The following FYB1 variants were observed in gnomAD, a reference collection of about 807,000 sequenced individuals.
FYB1 encodes the protein FYN-binding protein 1.
In FYB1, 41 loss-of-function variants were observed where a neutral mutation model predicts 94.1. That is an observed-to-expected ratio of 0.44 (90% CI 0.34 to 0.57). FYB1 has a LOEUF of 0.57. Among genes scored for constraint, FYB1 ranks in the 20% least tolerant of loss-of-function variants. FYB1 has a pLI of 0.02. For synonymous variants in FYB1, 367 were observed against 353.2 expected, an observed-to-expected ratio of 1.04 and a Z score of -0.44; for missense variants, 1,050 against 976.8, an observed-to-expected ratio of 1.07 and a Z score of -1.00.
At chr5:39,185,215 T>C (rs1265477816) in intron 2 of FYB1, among the ~76,000 whole-genome samples, 3 of 152,096 alleles carry the variant, frequency 2.0e-5, no homozygotes, top group Non-Finnish European at 4.4e-5. Context: ...TTTAGGATGG[T>C]TGTCTTATTC....
intron 2 of FYB1, among the ~76,000 whole-genome samples, chr5:39,169,048 G>A (rs1377230874): frequency 2.0e-5 from 3 of 152,180 alleles, no homozygotes; most frequent in Non-Finnish European, 4.4e-5. Flanking sequence ...GAAATAGGAA[G>A]ATTTAGGTAG....
chr5:39,255,430 GTT>G (rs113241046), intron 1 of FYB1, among the ~76,000 whole-genome samples: 49 of 142,894 alleles, frequency 3.4e-4, no homozygotes, highest in African/African-American at 1.2e-3. Context: ...CCATTCACCT[GTT>G]TTTTTTTTTT....
chr5:39,107,365 T>A lies in FYB1; in HGVS notation c.*78A>T, dbSNP rs1738625752. The A allele has an allele frequency of 3.1e-6, 3 of 961,776 alleles. No homozygotes were observed. Among genetic ancestry groups the A allele is most frequent in the South Asian group, 4.2e-5 (2 of 48,072 alleles). 59.6% of individuals were successfully genotyped at this position (961,776 alleles called of 1,614,324 possible). A position where few individuals can be genotyped will look rare whatever the true frequency, so the allele number is the denominator to read the frequency against. ...TGGTTTTGTGCATTAATTTTCTTGA[T>A]ACCCAATAACATGCCAATTAAAATC... On this transcript the variant is annotated 3_prime_UTR_variant, in exon 19 of 19. Coordinates refer to ENST00000512982, the MANE Select transcript of FYB1 (RefSeq NM_001465.6).
chr5:39,127,846 T>C lies in FYB1; in HGVS notation c.1841-39A>G, dbSNP rs765738458. The C allele has an allele frequency of 7.0e-6, 11 of 1,563,040 alleles. No homozygotes were observed. In the South Asian group the frequency reaches 1.2e-4, roughly 17 times the overall value. ...GGAGGAAAATCTTCTGTTAATTTTA[T>C]AATTTGGCCATGTAATGCTCACTCA... On this transcript the variant is annotated intron_variant, in intron 10 of 18. Coordinates refer to ENST00000512982, the MANE Select transcript of FYB1 (RefSeq NM_001465.6).
At chr5:39,190,268 A>G (rs1442264283) in intron 2 of FYB1, among the ~76,000 whole-genome samples, 1 of 152,230 alleles carries the variant, frequency 6.6e-6, no homozygotes, top group African/African-American at 2.4e-5. Context: ...GAAGGAATAA[A>G]AAAGAATTAA....
At chr5:39,152,034 G>A (rs144169058) in intron 3 of FYB1, among the ~76,000 whole-genome samples, 58 of 152,198 alleles carry the variant, frequency 3.8e-4, no homozygotes, top group African/African-American at 1.4e-3. Flanking sequence ...TCTTCGTTGT[G>A]GAATTTACTT....
At position 39,247,076 on chromosome 5, in the gene FYB1, A is replaced by ATATG. The variant is rs1388046640; in HGVS notation, c.-28+27326_-28+27327insCATA. Among the ~76,000 whole-genome samples, 96 of 54,062 alleles carry ATATG rather than the reference A, an allele frequency of 1.8e-3. 1 individual carries two copies. Among genetic ancestry groups the ATATG allele is most frequent in the South Asian group, 5.5e-3 (8 of 1,450 alleles). The allele number at this position is 54,062 out of a possible 152,430, so 35.5% of individuals were successfully genotyped here. A position where few individuals can be genotyped will look rare whatever the true frequency, so the allele number is the denominator to read the frequency against. On this transcript the variant is annotated intron_variant, in intron 1 of 1. Coordinates refer to the FYB1 transcript ENST00000510188. ...GCACACACAAAATGCGTGTTCATATATATATATATATATATATATATATAT... is the reference window on the plus strand; with the variant it reads ...GCACACACAAAATGCGTGTTCATATATATGTATATATATATATATATATATATAT...
At chr5:39,250,119 C>T (rs886447965) in intron 1 of FYB1, among the ~76,000 whole-genome samples, 6 of 152,142 alleles carry the variant, frequency 3.9e-5, no homozygotes, top group African/African-American at 1.4e-4. Context: ...TTTCCTGAGG[C>T]CTCTCCAGCC....
rs1482312156 is a variant in FYB1, at chr5:39,165,422, A to T, written c.1136-11818T>A. Among the ~76,000 whole-genome samples the T allele has an allele frequency of 2.8e-5, 4 of 141,784 alleles. No homozygotes were observed. In the East Asian group the frequency reaches 7.7e-4, roughly 27 times the overall value. 93.0% of individuals were successfully genotyped at this position (141,784 alleles called of 152,430 possible). A position where few individuals can be genotyped will look rare whatever the true frequency, so the allele number is the denominator to read the frequency against. Reference sequence around the variant, plus strand: ...CTCTATTCAATAAATGGTGCTGGGAAAATTTGACTGCCATATGCATAAGAA... The same window carrying T: ...CTCTATTCAATAAATGGTGCTGGGATAATTTGACTGCCATATGCATAAGAA... On this transcript the variant is annotated intron_variant, in intron 2 of 18. Coordinates refer to ENST00000512982, the MANE Select transcript of FYB1 (RefSeq NM_001465.6).
chr5:39,156,248 T>C (rs1453305637), intron 2 of FYB1, among the ~76,000 whole-genome samples: 1 of 152,282 alleles, frequency 6.6e-6, no homozygotes, highest in South Asian at 2.1e-4. Flanking sequence ...GAGACTCTAA[T>C]GGGCCCTCTG....
At chr5:39,143,811 GACTA>G (rs1181330431) in intron 3 of FYB1, among the ~76,000 whole-genome samples, 4 of 151,998 alleles carry the variant, frequency 2.6e-5, no homozygotes, top group Non-Finnish European at 4.4e-5. Context: ...TATAGGTAGG[GACTA>G]ACTGTTAATC....
At position 39,119,631 on chromosome 5, in the gene FYB1, T is replaced by G. The variant is rs764246818; in HGVS notation, c.2142A>C (p.Gln714His). ...TCTTAGCTTTTCCAACATTAGTTCC[T>G]TGACTAGAACGGCAGAACACACATA... ...DFPVSSAEMSQGTNVGKAKTE... is the reference protein window; with the variant it reads ...DFPVSSAEMSHGTNVGKAKTE... Residue 714 changes from glutamine to histidine, a missense_variant, in exon 15 of 19, where the codon CAA becomes CAC. Coordinates refer to ENST00000512982, the MANE Select transcript of FYB1 (RefSeq NM_001465.6). 1 of 1,532,476 alleles carries G rather than the reference T, an allele frequency of 6.5e-7. No individual in the cohort carries two copies. The highest frequency in any genetic ancestry group is 1.3e-5 in the South Asian group (1 of 78,876). 94.9% of individuals were successfully genotyped at this position (1,532,476 alleles called of 1,614,324 possible).
rs149335534 is a variant in FYB1 at position 39,124,474 on chromosome 5, C to T, written c.2046-196G>A. 2.3e-3 allele frequency among the ~76,000 whole-genome samples: 348 copies of T among 152,286 alleles called. 1 individual carries two copies. The highest frequency in any genetic ancestry group is 7.8e-3 in the African/African-American group (326 of 41,572). On this transcript the variant is annotated intron_variant, in intron 12 of 18. Transcript: ENST00000512982. ...TTTATCAATTTGGAACTTAGCAAGACATTTTTTGAACCCCAAATGTTTGCC... is the reference window on the plus strand; with the variant it reads ...TTTATCAATTTGGAACTTAGCAAGATATTTTTTGAACCCCAAATGTTTGCC...
At chr5:39,200,222 C>T (rs1259788968) in intron 2 of FYB1, among the ~76,000 whole-genome samples, 1 of 152,186 alleles carries the variant, frequency 6.6e-6, no homozygotes, top group Non-Finnish European at 1.5e-5. Context: ...TCCCTTGTAG[C>T]TTTACTTCAC....
intron 1 of FYB1, among the ~76,000 whole-genome samples, chr5:39,258,302 CGAAA>C (rs1443200552): frequency 6.6e-6 from 1 of 151,982 alleles, no homozygotes; most frequent in Non-Finnish European, 1.5e-5. Context: ...AAAAGAGAAA[CGAAA>C]GATATGAAGC....
intron 1 of FYB1, among the ~76,000 whole-genome samples, chr5:39,209,400 C>T (rs1749157747): frequency 6.6e-6 from 1 of 151,464 alleles, no homozygotes; most frequent in South Asian, 2.1e-4. Flanking sequence ...GATCTTGGCT[C>T]ACTGCAATCT....
intron 3 of FYB1, among the ~76,000 whole-genome samples, chr5:39,142,864 A>G (rs1455372099): frequency 1.3e-5 from 2 of 152,150 alleles, no homozygotes; most frequent in Non-Finnish European, 2.9e-5. Flanking sequence ...CCTGGACAGT[A>G]TTGGCCATTT....
chr5:39,244,618 C>G (rs1751384497), intron 1 of FYB1, among the ~76,000 whole-genome samples: 1 of 149,176 alleles, frequency 6.7e-6, no homozygotes, highest in Non-Finnish European at 1.5e-5. Context: ...TGTTGTGTCT[C>G]TGCCAGGCTT....
In FYB1 at chr5:39,106,619, A is replaced by G. The variant is rs1405336788; in HGVS notation, c.*824T>C. 3.3e-5 allele frequency: 5 copies of G among 152,168 alleles called. No homozygotes were observed. The highest frequency in any genetic ancestry group is 1.2e-4 in the African/African-American group (5 of 41,464). The allele number at this position is 152,168 out of a possible 1,614,324, so 9.4% of individuals were successfully genotyped here. A position where few individuals can be genotyped will look rare whatever the true frequency, so the allele number is the denominator to read the frequency against. ...TCTTCATTATAAAGAGGTGCCATGC[A>G]TAAAAGCCTAGGTAGTTTCAAGGTC... On this transcript the variant is annotated 3_prime_UTR_variant, in exon 19 of 19. Transcript: ENST00000512982.
Sources: gnomAD v4.1 joint callset for allele counts (sites outside exome capture counted in the v4.1 genomes callset) on GRCh38, gnomAD v4.1.1 for gene constraint, MANE v1.5 for transcripts, NCBI Gene and HGNC (gene_info 2026-07-23, HGNC 2026-07-21) for gene names.